The following TLN2 variants were observed in gnomAD, a reference collection of about 807,000 sequenced individuals.
TLN2 encodes the protein talin-2.
A neutral mutation model predicts 294.7 loss-of-function variants in TLN2; 118 were observed. The ratio of observed to expected loss-of-function variants is 0.40; its 90% CI spans 0.34 to 0.47. The LOEUF (loss-of-function observed/expected upper bound fraction) is 0.47. Among genes scored for constraint, TLN2 ranks in the 20% least tolerant of loss-of-function variants. The pLI, the probability that TLN2 is intolerant of heterozygous loss-of-function variation, is 0.84. For missense variants in TLN2, 3,083 were observed against 3,282.2 expected (o/e 0.94, Z 1.48); for synonymous variants, 1,431 against 1,304.5 (o/e 1.10, Z -2.09).
At chr15:62,443,141 A>G (rs563451406) in intron 1 of TLN2, among the ~76,000 whole-genome samples, 5 of 152,332 alleles carry the variant, frequency 3.3e-5, no homozygotes, top group East Asian at 1.9e-4. Context: ...TCCTTTTGCC[A>G]TGTAAGATAC....
intron 37 of TLN2, among the ~76,000 whole-genome samples, chr15:62,760,445 T>TA (rs1457069457): frequency 2.6e-5 from 4 of 152,178 alleles, no homozygotes; most frequent in African/African-American, 4.8e-5. Flanking sequence ...GTTTTTTTTT[T>TA]ATCCCAATTG....
At chr15:62,590,156 C>CT (rs1020402259) in intron 2 of TLN2, among the ~76,000 whole-genome samples, 6 of 151,828 alleles carry the variant, frequency 4.0e-5, no homozygotes, top group South Asian at 2.1e-4. Flanking sequence ...TTCTAGTGGT[C>CT]TTTTTTTTAA....
At chr15:62,725,496 G>A (rs1245429391) in intron 27 of TLN2, among the ~76,000 whole-genome samples, 1 of 152,160 alleles carries the variant, frequency 6.6e-6, no homozygotes, top group Non-Finnish European at 1.5e-5. Context: ...AAGCCATACT[G>A]CAAATGGAAT....
At chr15:62,567,712 G>A (rs2043526334) in intron 1 of TLN2, among the ~76,000 whole-genome samples, 1 of 152,120 alleles carries the variant, frequency 6.6e-6, no homozygotes, top group Non-Finnish European at 1.5e-5. Flanking sequence ...GCGCGCGCCT[G>A]TAATCCCAGC....
chr15:62,746,554 T>G (rs899703776), intron 32 of TLN2, among the ~76,000 whole-genome samples: 12 of 152,246 alleles, frequency 7.9e-5, no homozygotes, highest in African/African-American at 2.9e-4. Context: ...AAGCAGTATC[T>G]CCTCATCAAA....
At chr15:62,826,722 AAAAAG>A (rs1290202229) in intron 54 of TLN2, among the ~76,000 whole-genome samples, 1 of 152,176 alleles carries the variant, frequency 6.6e-6, no homozygotes, top group Non-Finnish European at 1.5e-5. Context: ...ACAACAAAAA[AAAAAG>A]AGAAATGTGG....
chr15:62,522,165 C>T lies in TLN2; in HGVS notation c.-237-67522C>T, dbSNP rs148904394. On this transcript the variant is annotated intron_variant, in intron 1 of 58. Coordinates refer to ENST00000636159, the MANE Select transcript of TLN2 (RefSeq NM_015059.3). ...GTCTTTGGTTCACAGTGTGGATGCA[C>T]GACTCAAGGGGTTGACGCTTAGCTC... 5.9e-4 allele frequency among the ~76,000 whole-genome samples: 90 copies of T among 152,216 alleles called. No individual in the cohort carries two copies. The East Asian group carries it at 0.01, about 17-fold the overall frequency.
At chr15:62,560,004 A>G (rs1051430743) in intron 1 of TLN2, among the ~76,000 whole-genome samples, 12 of 151,732 alleles carry the variant, frequency 7.9e-5, no homozygotes, top group South Asian at 4.2e-4. Context: ...GAATTGGCCT[A>G]TTTGACCGAG....
At chr15:62,662,245 A>G (rs2053932001) in intron 9 of TLN2, among the ~76,000 whole-genome samples, 1 of 152,152 alleles carries the variant, frequency 6.6e-6, no homozygotes, top group Non-Finnish European at 1.5e-5. Flanking sequence ...AATGTGATAA[A>G]CTAGGAAAAT....
chr15:62,725,822 T>A (rs779705545), intron 27 of TLN2, among the ~76,000 whole-genome samples: 1 of 152,172 alleles, frequency 6.6e-6, no homozygotes, highest in African/African-American at 2.4e-5. Context: ...CGGTTTGAAT[T>A]CAGATTTGCA....
In TLN2 at chr15:62,841,979, C is replaced by G. The variant is rs1210505816; in HGVS notation, c.*1369C>G. 6.6e-6 allele frequency: 1 copy of G among 152,012 alleles called. No homozygotes were observed. Among genetic ancestry groups the G allele is most frequent in the Admixed American group, 6.6e-5 (1 of 15,260 alleles). 9.4% of individuals were successfully genotyped at this position (152,012 alleles called of 1,614,324 possible). The stretch of plus-strand genomic sequence containing the variant: ...ACTCACCCTCCGCCTCTCTCTCTCT[C>G]TCTCTCTCTGGTGTGCTATCATGTC... On this transcript the variant is annotated 3_prime_UTR_variant, in exon 59 of 59. Transcript: ENST00000636159.
intron 43 of TLN2, among the ~76,000 whole-genome samples, chr15:62,778,739 G>A (rs1423996233): frequency 6.6e-6 from 1 of 152,206 alleles, no homozygotes; most frequent in African/African-American, 2.4e-5. Flanking sequence ...CAGTAATTAG[G>A]AACTGCCAGC....
chr15:62,768,894 A>G (rs1202353125), intron 41 of TLN2, among the ~76,000 whole-genome samples: 3 of 152,230 alleles, frequency 2.0e-5, no homozygotes, highest in African/African-American at 4.8e-5. Context: ...TCTCAGTGCT[A>G]TTATTAATCC....
chr15:62,791,387 A>T (rs920221813), intron 45 of TLN2, among the ~76,000 whole-genome samples: 4 of 152,198 alleles, frequency 2.6e-5, no homozygotes, highest in African/African-American at 9.7e-5. Flanking sequence ...AAGACACCTA[A>T]AGAGCAGAAG....
Position 62,600,116 on chromosome 15 carries a change from C to T in TLN2, c.-162+10354C>T, listed in dbSNP as rs28727933. Among the ~76,000 whole-genome samples, 423 of 152,216 alleles carry T rather than the reference C, an allele frequency of 2.8e-3. 4 individuals are homozygous for T. The highest frequency in any genetic ancestry group is 9.9e-3 in the African/African-American group (410 of 41,534). On this transcript the variant is annotated intron_variant, in intron 2 of 58. Transcript: ENST00000636159. ...GCTGAGTTGATGTGAGTTTTTGCTG[C>T]TTGTAGTTGAAAAGACTGAAAACAA...
At chr15:62,641,903 G>C (rs1472947567) in intron 3 of TLN2, among the ~76,000 whole-genome samples, 2 of 152,196 alleles carry the variant, frequency 1.3e-5, no homozygotes, top group Admixed American at 6.5e-5. Flanking sequence ...ATTTTGAAGA[G>C]AAGGAGGCCT....
chr15:62,482,744 G>T (rs73426668), intron 1 of TLN2, among the ~76,000 whole-genome samples: 5,305 of 152,106 alleles, frequency 0.035, 117 homozygotes, highest in African/African-American at 0.065. Flanking sequence ...AAAAAAATGG[G>T]GTTTCAGATC....
intron 1 of TLN2, among the ~76,000 whole-genome samples, chr15:62,527,849 G>T (rs2040823517): frequency 6.6e-6 from 1 of 152,142 alleles, no homozygotes; most frequent in South Asian, 2.1e-4. Flanking sequence ...GAGGAATAAA[G>T]TAGTTACTCT....
chr15:62,826,956 C>G (rs2068270328), intron 54 of TLN2, among the ~76,000 whole-genome samples: 2 of 152,206 alleles, frequency 1.3e-5, no homozygotes, highest in African/African-American at 4.8e-5. Context: ...CTGAGTAACA[C>G]AGAGCAAAGC....
Sources: gnomAD v4.1 joint callset for allele counts (sites outside exome capture counted in the v4.1 genomes callset) on GRCh38, gnomAD v4.1.1 for gene constraint, MANE v1.5 for transcripts, NCBI Gene and HGNC (gene_info 2026-07-23, HGNC 2026-07-21) for gene names.